The following IGFBP5 variants were observed in gnomAD, a reference collection of about 807,000 sequenced individuals.
IGFBP5 encodes the protein insulin like growth factor binding protein 5.
IGFBP5 carries 12 observed loss-of-function variants against 28.0 expected under a neutral mutation model. The ratio of observed to expected loss-of-function variants is 0.43; its 90% CI spans 0.27 to 0.69. The LOEUF is 0.69. Ranked by LOEUF, IGFBP5 falls within the 30% of genes least tolerant of loss-of-function variation. IGFBP5 has a pLI of 0.20. For synonymous variants in IGFBP5, 152 were observed against 150.2 expected, an observed-to-expected ratio of 1.01 and a Z score of -0.09; for missense variants, 344 against 381.6, an observed-to-expected ratio of 0.90 and a Z score of 0.82.
In IGFBP5 at chr2:216,676,528, AAG is replaced by A; in HGVS notation, c.*221_*222del. On this transcript the variant is annotated 3_prime_UTR_variant, in exon 4 of 4. Coordinates refer to ENST00000233813, the MANE Select transcript of IGFBP5 (RefSeq NM_000599.4). ...CTTGCCTCAAAAAGAAAACCATTTA[AAG>A]GGGGGGGGTGTCTTTTTAGCTTTTT... 1 of 321,348 alleles carries A rather than the reference AAG, an allele frequency of 3.1e-6. No individual in the cohort carries two copies. 19.9% of individuals were successfully genotyped at this position (321,348 alleles called of 1,614,324 possible).
At position 216,674,829 on chromosome 2, in the gene IGFBP5, A is replaced by AGTG. The variant is rs1688875838; in HGVS notation, c.*1921_*1922insCAC. 6.6e-6 allele frequency: 1 copy of AGTG among 152,146 alleles called. No individual in the cohort carries two copies. The highest frequency in any genetic ancestry group is 1.5e-5 in the Non-Finnish European group (1 of 68,050). 9.4% of individuals were successfully genotyped at this position (152,146 alleles called of 1,614,324 possible). On this transcript the variant is annotated 3_prime_UTR_variant, in exon 4 of 4. Coordinates refer to ENST00000233813, the MANE Select transcript of IGFBP5 (RefSeq NM_000599.4). The surrounding 1 kb of genome is among the most constrained non-coding windows in gnomAD (Gnocchi z 4.4). ...TGGCCAGAATGGAGGAAGAGCTGGA[A>AGTG]AGACTCGTGGGCCTCAGTCCCTCAT...
chr2:216,679,368 G>A lies in IGFBP5; in HGVS notation c.338-289C>T, dbSNP rs183867597. Among the ~76,000 whole-genome samples the A allele has an allele frequency of 6.6e-6, 1 of 152,164 alleles. No homozygotes were observed. The highest frequency in any genetic ancestry group is 2.1e-4 in the South Asian group (1 of 4,802). On this transcript the variant is annotated intron_variant, in intron 1 of 3. Transcript: ENST00000233813. This position sits in a 1 kb window ranked among gnomAD's most constrained non-coding sequence, Gnocchi z 4.6. ...GACTGACAGACTGATGGGTGAGGAC[G>A]GAGCAGGCCTTCTGGGGGCAGTAAG...
At chr2:216,682,714 GT>G (rs71401160) in intron 1 of IGFBP5, among the ~76,000 whole-genome samples, 40 of 143,192 alleles carry the variant, frequency 2.8e-4, no homozygotes, top group Admixed American at 4.2e-4. Flanking sequence ...AGCGTTTTTT[GT>G]TTTTTTTTTT....
Position 216,675,179 on chromosome 2 carries a change from C to G in IGFBP5, c.*1572G>C, listed in dbSNP as rs966672627. ...CTCCCTTCAGCCCTCTGTTCCTCCC[C>G]ACATCGACTCTGGCCGGAACCATCC... On this transcript the variant is annotated 3_prime_UTR_variant, in exon 4 of 4. Transcript: ENST00000233813. The G allele has an allele frequency of 6.6e-6, 1 of 152,366 alleles. No homozygotes were observed. The highest frequency in any genetic ancestry group is 2.4e-5 in the African/African-American group (1 of 41,436). The allele number at this position is 152,366 out of a possible 1,614,324, so 9.4% of individuals were successfully genotyped here.
At chr2:216,677,214 C>T (rs903595065) in intron 3 of IGFBP5, among the ~76,000 whole-genome samples, 1 of 152,004 alleles carries the variant, frequency 6.6e-6, no homozygotes, top group African/African-American at 2.4e-5. Flanking sequence ...GCTGGGATTA[C>T]AGGCGTGAGC....
chr2:216,682,097 G>A (rs1306955665), intron 1 of IGFBP5, among the ~76,000 whole-genome samples: 1 of 152,242 alleles, frequency 6.6e-6, no homozygotes, highest in Admixed American at 6.5e-5. Flanking sequence ...CCCAAGGCAA[G>A]TCTCCTGAGG....
intron 1 of IGFBP5, among the ~76,000 whole-genome samples, chr2:216,685,582 G>A (rs985410556): frequency 6.6e-6 from 1 of 152,176 alleles, no homozygotes; most frequent in Non-Finnish European, 1.5e-5. Context: ...GCAGCCACCA[G>A]CCCCTCCCTA....
At chr2:216,678,301 C>G in intron 2 of IGFBP5, 70 bp from the exon 3 acceptor site, 1 of 1,421,274 alleles carries the variant, frequency 7.0e-7, no homozygotes, top group South Asian at 1.7e-5. Flanking sequence ...TGACGAATGG[C>G]CCAGGGGGTG....
At position 216,673,101 on chromosome 2, in the gene IGFBP5, A is replaced by C. The variant is rs1467029932; in HGVS notation, c.*3650T>G. The C allele has an allele frequency of 6.6e-6, 1 of 152,294 alleles. No homozygotes were observed. Among genetic ancestry groups the C allele is most frequent in the African/African-American group, 2.4e-5 (1 of 41,422 alleles). The allele number at this position is 152,294 out of a possible 1,614,324, so 9.4% of individuals were successfully genotyped here. A position where few individuals can be genotyped will look rare whatever the true frequency, so the allele number is the denominator to read the frequency against. The stretch of plus-strand genomic sequence containing the variant: ...CATTCTGGGCCGGAGCCCTCTCAGG[A>C]GTGAGTGGATGGGTCCGGGGTACTG... On this transcript the variant is annotated 3_prime_UTR_variant, in exon 4 of 4. Coordinates refer to ENST00000233813, the MANE Select transcript of IGFBP5 (RefSeq NM_000599.4). This position sits in a 1 kb window ranked among gnomAD's most constrained non-coding sequence, Gnocchi z 4.3.
chr2:216,676,734 G>A lies in IGFBP5; in HGVS notation c.*17C>T. On this transcript the variant is annotated 3_prime_UTR_variant, in exon 4 of 4. Coordinates refer to ENST00000233813, the MANE Select transcript of IGFBP5 (RefSeq NM_000599.4). ...TGGGGGTGGGAGGGGGTGAGGGAAA[G>A]GTTGGGGGGGGACGCATCACTCAAC... 6.2e-7 allele frequency: 1 copy of A among 1,600,830 alleles called. No homozygotes were observed.
rs1431863501 is a variant in IGFBP5 at position 216,674,750 on chromosome 2, C to T, written c.*2001G>A. The T allele has an allele frequency of 6.6e-6, 1 of 152,132 alleles. No individual in the cohort carries two copies. Among genetic ancestry groups the T allele is most frequent in the Non-Finnish European group, 1.5e-5 (1 of 68,048 alleles). The allele number at this position is 152,132 out of a possible 1,614,324, so 9.4% of individuals were successfully genotyped here. On this transcript the variant is annotated 3_prime_UTR_variant, in exon 4 of 4. Coordinates refer to ENST00000233813, the MANE Select transcript of IGFBP5 (RefSeq NM_000599.4). This position sits in a 1 kb window ranked among gnomAD's most constrained non-coding sequence, Gnocchi z 4.4. ...TGACAGCATCCCTGAATCATGCGTTCCCTGCTTGTCCCAGCTTTCCTTCCA... is the reference window on the plus strand; with the variant it reads ...TGACAGCATCCCTGAATCATGCGTTTCCTGCTTGTCCCAGCTTTCCTTCCA...
rs904445748 is a variant in IGFBP5 at position 216,672,822 on chromosome 2, C to A, written c.*3929G>T. 2.6e-5 allele frequency: 4 copies of A among 152,486 alleles called. No individual in the cohort carries two copies. The highest frequency in any genetic ancestry group is 5.9e-5 in the Non-Finnish European group (4 of 68,016). 9.4% of individuals were successfully genotyped at this position (152,486 alleles called of 1,614,324 possible). A position where few individuals can be genotyped will look rare whatever the true frequency, so the allele number is the denominator to read the frequency against. The stretch of plus-strand genomic sequence containing the variant: ...TAAACTATATACTCCATTAGAAAAC[C>A]AAGAAAGTATGTTTGAAATAGAAAC... On this transcript the variant is annotated 3_prime_UTR_variant, in exon 4 of 4. Coordinates refer to ENST00000233813, the MANE Select transcript of IGFBP5 (RefSeq NM_000599.4).
intron 1 of IGFBP5, among the ~76,000 whole-genome samples, chr2:216,682,543 G>A (rs180962766): frequency 1.5e-4 from 23 of 152,264 alleles, no homozygotes; most frequent in African/African-American, 5.5e-4. Context: ...AGGATACCCG[G>A]GAGGACTTCC....
At chr2:216,686,005 A>G (rs1436034404) in intron 1 of IGFBP5, among the ~76,000 whole-genome samples, 2 of 151,754 alleles carry the variant, frequency 1.3e-5, no homozygotes, top group Non-Finnish European at 2.9e-5. Flanking sequence ...TTAAGAAAAA[A>G]AAAAAACCCA....
In IGFBP5 at chr2:216,678,843, G is replaced by C. The variant is rs1167997239; in HGVS notation, c.567+7C>G. The C allele has an allele frequency of 6.2e-7, 1 of 1,606,066 alleles. No homozygotes were observed. The highest frequency in any genetic ancestry group is 1.3e-5 in the African/African-American group (1 of 74,744). ...TGGGAGGGAATGAGGGAATCCCCGAGATGCACCTGCTCAGACTCCTGTCTC... is the reference window on the plus strand; with the variant it reads ...TGGGAGGGAATGAGGGAATCCCCGACATGCACCTGCTCAGACTCCTGTCTC... On this transcript the variant is annotated splice_region_variant and intron_variant, in intron 2 of 3. Coordinates refer to ENST00000233813, the MANE Select transcript of IGFBP5 (RefSeq NM_000599.4).
chr2:216,693,464 G>A lies in IGFBP5; in HGVS notation c.337+975C>T, dbSNP rs576489560. 6.5e-3 allele frequency among the ~76,000 whole-genome samples: 989 copies of A among 151,382 alleles called. 12 individuals carry two copies. The highest frequency in any genetic ancestry group is 0.022 in the African/African-American group (922 of 41,018). ...AGGGCGGGGTGGGGGGATTGCGGAG[G>A]GAGGAATTGCGGGGCGGGGGTGGAG... On this transcript the variant is annotated intron_variant, in intron 1 of 3. Transcript: ENST00000233813.
At position 216,675,695 on chromosome 2, in the gene IGFBP5, A is replaced by T. The variant is rs1688889390; in HGVS notation, c.*1056T>A. ...GCTCCTCAATGCCCCTATAGGAACTACTTTGAAAAGTTAATGCAAACCTTT... is the reference window on the plus strand; with the variant it reads ...GCTCCTCAATGCCCCTATAGGAACTTCTTTGAAAAGTTAATGCAAACCTTT... On this transcript the variant is annotated 3_prime_UTR_variant, in exon 4 of 4. Coordinates refer to ENST00000233813, the MANE Select transcript of IGFBP5 (RefSeq NM_000599.4). 6.6e-6 allele frequency: 1 copy of T among 152,202 alleles called. No homozygotes were observed. The highest frequency in any genetic ancestry group is 6.5e-5 in the Admixed American group (1 of 15,280). The allele number at this position is 152,202 out of a possible 1,614,324, so 9.4% of individuals were successfully genotyped here.
rs1688935657 is a variant in IGFBP5, at chr2:216,678,865, T to G, written c.552A>C (p.Arg184Ser). ...CGAGATGCACCTGCTCAGACTCCTG[T>G]CTCATCTCAGGTGCAGAGATGATCC... ...HPRIISAPEM[R>S]QESEQGPCRR... Residue 184 changes from arginine to serine, a missense_variant, in exon 2 of 4, where the codon AGA becomes AGC. By Grantham distance (110) the Arg-to-Ser change is moderately radical. Transcript: ENST00000233813. 6.2e-7 allele frequency: 1 copy of G among 1,613,606 alleles called. No homozygotes were observed. Among genetic ancestry groups the G allele is most frequent in the Admixed American group, 1.7e-5 (1 of 60,022 alleles).
At chr2:216,682,544 G>T (rs1025003677) in intron 1 of IGFBP5, among the ~76,000 whole-genome samples, 2 of 152,158 alleles carry the variant, frequency 1.3e-5, no homozygotes, top group African/African-American at 2.4e-5. Flanking sequence ...GGATACCCGG[G>T]AGGACTTCCT....
Sources: gnomAD v4.1 joint callset for allele counts (sites outside exome capture counted in the v4.1 genomes callset) on GRCh38, gnomAD v4.1.1 for gene constraint, Gnocchi (gnomAD v3.1) non-coding constraint, MANE v1.5 for transcripts, NCBI Gene and HGNC (gene_info 2026-07-23, HGNC 2026-07-21) for gene names.